Variants in EVC observed in about 807,000 individuals in gnomAD.
EVC encodes EvC ciliary complex subunit 1.
Under a neutral mutation model 118.9 loss-of-function variants are expected in EVC, and 116 were observed. That is an observed-to-expected ratio of 0.98 (90% CI 0.84 to 1.14). The LOEUF (loss-of-function observed/expected upper bound fraction) is 1.14. Among genes scored for constraint, EVC ranks in the 50% most tolerant of loss-of-function variants. The pLI is 0.00. For synonymous variants in EVC, 619 were observed against 534.7 expected, an observed-to-expected ratio of 1.16 and a Z score of -2.18; for missense variants, 1,401 against 1,246.4, an observed-to-expected ratio of 1.12 and a Z score of -1.87.
intron 11 of EVC, among the ~76,000 whole-genome samples, chr4:5,765,983 A>G (rs1732804227): frequency 8.0e-6 from 1 of 124,762 alleles, no homozygotes; most frequent in African/African-American, 3.1e-5. Context: ...TAGTTGATGC[A>G]GTTTATTCCT....
At chr4:5,750,081 T>G (rs540049051) in intron 8 of EVC, among the ~76,000 whole-genome samples, 63 of 152,124 alleles carry the variant, frequency 4.1e-4, no homozygotes, top group African/African-American at 1.5e-3. Context: ...TGCCGAAAGA[T>G]AGGTATGGAA....
At chr4:5,772,438 C>G (rs530845319) in intron 11 of EVC, among the ~76,000 whole-genome samples, 1 of 152,204 alleles carries the variant, frequency 6.6e-6, no homozygotes, top group Admixed American at 6.5e-5. Context: ...ATCACTTAAC[C>G]TCTCTGATCC....
At chr4:5,804,524 G>A (rs986009265) in intron 16 of EVC, among the ~76,000 whole-genome samples, 3 of 152,138 alleles carry the variant, frequency 2.0e-5, no homozygotes, top group African/African-American at 7.2e-5. Context: ...TGGACAGGGC[G>A]CATCATAGTT....
the EVC span, chr4:5,821,515 G>A: frequency 3.2e-5 from 17 of 533,304 alleles, no homozygotes; most frequent in Non-Finnish European, 5.1e-5. This position sits in a 1 kb window ranked among gnomAD's most constrained non-coding sequence, Gnocchi z 4.4. Context: ...ACTAGGAAGG[G>A]GGAATGAAAA....
At chr4:5,726,568 CT>C (rs34483285) in intron 2 of EVC, among the ~76,000 whole-genome samples, 21 of 134,484 alleles carry the variant, frequency 1.6e-4, no homozygotes, top group East Asian at 2.2e-4. Flanking sequence ...CTTCTCTTTT[CT>C]TTTTTTTTTT....
intron 16 of EVC, among the ~76,000 whole-genome samples, chr4:5,803,827 C>T (rs1346784821): frequency 6.6e-6 from 1 of 152,178 alleles, no homozygotes; most frequent in Non-Finnish European, 1.5e-5. Flanking sequence ...GGGTTTTCAG[C>T]TGAGAGGTAC....
the EVC span, chr4:5,825,401 C>T: frequency 3.4e-6 from 5 of 1,487,052 alleles, no homozygotes; most frequent in Admixed American, 5.3e-5. The surrounding 1 kb of genome is among the most constrained non-coding windows in gnomAD (Gnocchi z 4.4). Context: ...ATCTAGTGTC[C>T]AAGGCCACGT....
At chr4:5,726,117 T>C (rs935485784) in intron 2 of EVC, among the ~76,000 whole-genome samples, 1 of 152,210 alleles carries the variant, frequency 6.6e-6, no homozygotes, top group Non-Finnish European at 1.5e-5. Flanking sequence ...ATCAATCCTG[T>C]GTTTCCCACA....
chr4:5,784,841 C>G (rs1736180942), intron 12 of EVC, among the ~76,000 whole-genome samples: 1 of 152,286 alleles, frequency 6.6e-6, no homozygotes, highest in African/African-American at 2.4e-5. Flanking sequence ...CTCCTGAACT[C>G]AAGTGATCTG....
At position 5,753,816 on chromosome 4, in the gene EVC, G is replaced by A. The variant is rs968007063; in HGVS notation, c.1347G>A (p.Thr449=). 1.9e-6 allele frequency: 3 copies of A among 1,614,160 alleles called. No individual in the cohort carries two copies. Among genetic ancestry groups the A allele is most frequent in the Non-Finnish European group, 2.5e-6 (3 of 1,180,028 alleles). The part of the protein sequence containing the change: ...EFVQRGKDLV[T]ASLAHQVEGT... The stretch of plus-strand genomic sequence containing the variant: ...TCCAGCGAGGCAAAGACCTGGTCAC[G>A]GCGTCTCTGGCTCACCAGGTGGAGG... Residue 449 remains threonine (T), a synonymous_variant, in exon 10 of 21, where the codon ACG becomes ACA. Coordinates refer to ENST00000264956, the MANE Select transcript of EVC (RefSeq NM_153717.3).
chr4:5,744,450 G>T (rs538204287), intron 6 of EVC, among the ~76,000 whole-genome samples: 2 of 151,960 alleles, frequency 1.3e-5, no homozygotes, highest in Non-Finnish European at 2.9e-5. Context: ...ACTATCTTGG[G>T]GTTTGTGAGT....
At chr4:5,794,876 G>A (rs1713653761) in intron 13 of EVC, among the ~76,000 whole-genome samples, 1 of 152,118 alleles carries the variant, frequency 6.6e-6, no homozygotes, top group Non-Finnish European at 1.5e-5. Flanking sequence ...CCCATAGGTA[G>A]TTTTTTAACA....
chr4:5,733,900 C>CT (rs1456286953), intron 5 of EVC, among the ~76,000 whole-genome samples: 16 of 152,264 alleles, frequency 1.1e-4, no homozygotes, highest in African/African-American at 3.8e-4. Flanking sequence ...GGTGAGAAAA[C>CT]TGAGGCACAG....
chr4:5,757,484 G>A (rs1392071525), intron 11 of EVC, among the ~76,000 whole-genome samples: 1 of 152,194 alleles, frequency 6.6e-6, no homozygotes, highest in East Asian at 1.9e-4. Flanking sequence ...ACTGACTGGT[G>A]GGTTAAACAA....
chr4:5,781,669 T>G (rs1735617914), intron 11 of EVC, among the ~76,000 whole-genome samples: 1 of 152,002 alleles, frequency 6.6e-6, no homozygotes, highest in Non-Finnish European at 1.5e-5. Flanking sequence ...AAACCTCATC[T>G]CCACAAAAAA....
At chr4:5,821,094 G>A in the EVC span, 4 of 152,522 alleles carry the variant, frequency 2.6e-5, no homozygotes, top group African/African-American at 9.6e-5. The surrounding 1 kb of genome is among the most constrained non-coding windows in gnomAD (Gnocchi z 4.4). Context: ...AGCACGGTGA[G>A]TTACAAGTGC....
rs1713077477 is a variant in EVC at position 5,793,006 on chromosome 4, T to G, written c.1777-602T>G. Among the ~76,000 whole-genome samples, 7 of 152,056 alleles carry G rather than the reference T, an allele frequency of 4.6e-5. No homozygotes were observed. In the South Asian group the frequency reaches 1.5e-3, roughly 32 times the overall value. ...AAAATCAACCCAATTATGAGAAAAT[T>G]CCAAAGAGTCTTTTTTCCCCTAAAC... On this transcript the variant is annotated intron_variant, in intron 12 of 20. Transcript: ENST00000264956.
rs145276830 is a variant in EVC at position 5,813,203 on chromosome 4, A to G, written c.*2166A>G. The G allele has an allele frequency of 2.0e-5, 3 of 152,246 alleles. No homozygotes were observed. The highest frequency in any genetic ancestry group is 2.9e-5 in the Non-Finnish European group (2 of 68,014). 9.4% of individuals were successfully genotyped at this position (152,246 alleles called of 1,614,324 possible). On this transcript the variant is annotated 3_prime_UTR_variant, in exon 21 of 21. Transcript: ENST00000264956. ...TGCAAAGCTATGGCTTCCTTGGTGC[A>G]ATATTCTTAAAACCTGCTTTGCATA...
At chr4:5,760,931 A>G (rs1009189135) in intron 11 of EVC, among the ~76,000 whole-genome samples, 24 of 152,114 alleles carry the variant, frequency 1.6e-4, no homozygotes, top group African/African-American at 2.7e-4. Context: ...ATTTCATCAC[A>G]AGCTTTTAGG....
Sources: gnomAD v4.1 joint callset for allele counts (sites outside exome capture counted in the v4.1 genomes callset) on GRCh38, gnomAD v4.1.1 for gene constraint, Gnocchi (gnomAD v3.1) non-coding constraint, MANE v1.5 for transcripts, NCBI Gene and HGNC (gene_info 2026-07-23, HGNC 2026-07-21) for gene names.